SCEL: variants seen among roughly 807,000 people sequenced by gnomAD.
SCEL encodes sciellin.
In SCEL, 113 loss-of-function variants were observed where a neutral mutation model predicts 117.6. The ratio of observed to expected loss-of-function variants is 0.96; its 90% CI spans 0.83 to 1.12. The LOEUF is 1.12. SCEL is among the 50% of genes most tolerant of loss of function. The probability of loss-of-function intolerance (pLI) is 0.00; values close to 1 mark genes in which losing one functional copy is unlikely to be tolerated. For synonymous variants in SCEL, 270 were observed against 256.2 expected (o/e 1.05, Z -0.51); for missense variants, 785 against 810.8 (o/e 0.97, Z 0.39).
intron 27 of SCEL, among the ~76,000 whole-genome samples, chr13:77,624,260 C>T (rs1398999355): frequency 1.3e-5 from 2 of 151,998 alleles, no homozygotes; most frequent in South Asian, 2.1e-4. Flanking sequence ...CACCTGCCAC[C>T]ACGCTCAGCT....
chr13:77,555,576 T>C (rs1415328783), intron 1 of SCEL, among the ~76,000 whole-genome samples: 1 of 152,218 alleles, frequency 6.6e-6, no homozygotes, highest in African/African-American at 2.4e-5. Context: ...TAATTATTGA[T>C]TGAATAAATG....
chr13:77,558,946 G>A (rs533925099), intron 3 of SCEL, among the ~76,000 whole-genome samples: 2 of 152,132 alleles, frequency 1.3e-5, no homozygotes, highest in South Asian at 4.2e-4. Flanking sequence ...TTCTGCCTTG[G>A]CTCAAATCCA....
chr13:77,578,530 G>T (rs2086085193), intron 9 of SCEL, among the ~76,000 whole-genome samples: 1 of 152,112 alleles, frequency 6.6e-6, no homozygotes, highest in Admixed American at 6.5e-5. Context: ...CAACTGTGGG[G>T]GCATGAGAAG....
chr13:77,597,525 A>AT lies in SCEL; in HGVS notation c.753-13dup, dbSNP rs1463600459. Reference sequence around the variant, plus strand: ...GGCAAGCTTTTTACTAATGTTAAACATTTTTTTCTCTTCCCAAAGTGAAGA... The same window carrying AT: ...GGCAAGCTTTTTACTAATGTTAAACATTTTTTTTCTCTTCCCAAAGTGAAGA... On this transcript the variant is annotated intron_variant, in intron 12 of 32. Transcript: ENST00000349847. 12 of 1,449,484 alleles carry AT rather than the reference A, an allele frequency of 8.3e-6. No individual in the cohort carries two copies. The highest frequency in any genetic ancestry group is 1.3e-5 in the South Asian group (1 of 79,638). 89.8% of individuals were successfully genotyped at this position (1,449,484 alleles called of 1,614,324 possible). A position where few individuals can be genotyped will look rare whatever the true frequency, so the allele number is the denominator to read the frequency against.
chr13:77,630,731 G>T (rs1326273456), intron 28 of SCEL, among the ~76,000 whole-genome samples: 1 of 152,138 alleles, frequency 6.6e-6, no homozygotes, highest in East Asian at 1.9e-4. Context: ...AATCCATTTG[G>T]AATTCTATAA....
chr13:77,568,775 C>T lies in SCEL; in HGVS notation c.398+442C>T, dbSNP rs935254243. Reference sequence around the variant, plus strand: ...GCTAAAAATCTATTTAAATGGAACACATTTTCCCTGGAATGTACTACTGAT... The same window carrying T: ...GCTAAAAATCTATTTAAATGGAACATATTTTCCCTGGAATGTACTACTGAT... On this transcript the variant is annotated intron_variant, in intron 7 of 32. Coordinates refer to ENST00000349847, the MANE Select transcript of SCEL (RefSeq NM_144777.3). Among the ~76,000 whole-genome samples, 11 of 152,232 alleles carry T rather than the reference C, an allele frequency of 7.2e-5. No homozygotes were observed. The South Asian group carries it at 1.0e-3, about 14-fold the overall frequency.
At chr13:77,593,400 C>A in intron 11 of SCEL, 114 bp from the exon 12 acceptor site, 2 of 684,666 alleles carry the variant, frequency 2.9e-6, no homozygotes, top group East Asian at 3.0e-5. Context: ...CTCAGTAATT[C>A]CTGAACACCA....
At chr13:77,614,449 G>A (rs920196556) in intron 24 of SCEL, among the ~76,000 whole-genome samples, 1 of 152,100 alleles carries the variant, frequency 6.6e-6, no homozygotes, top group African/African-American at 2.4e-5. Context: ...GCTCAGCAAG[G>A]TTATGGACCT....
intron 1 of SCEL, among the ~76,000 whole-genome samples, chr13:77,551,676 TTTTGTTTG>T (rs569934911): frequency 1.3e-5 from 2 of 152,240 alleles, no homozygotes; most frequent in South Asian, 4.1e-4. Context: ...GGCCTCGTTT[TTTTGTTTG>T]TTTGTTTGTT....
chr13:77,640,926 T>C, intron 31 of SCEL, 142 bp downstream of exon 31: 1 of 484,110 alleles, frequency 2.1e-6, no homozygotes. Flanking sequence ...TACTTAAATA[T>C]TTCTGAGTTC....
intron 8 of SCEL, among the ~76,000 whole-genome samples, chr13:77,571,530 A>AATTAC (rs1235482193): frequency 6.6e-6 from 1 of 151,634 alleles, no homozygotes; most frequent in Non-Finnish European, 1.5e-5. Context: ...CTCTACTAAA[A>AATTAC]ATTACAAAAT....
chr13:77,632,498 TA>T (rs1332345202), intron 28 of SCEL, among the ~76,000 whole-genome samples: 2 of 152,236 alleles, frequency 1.3e-5, no homozygotes, highest in African/African-American at 4.8e-5. Flanking sequence ...AATAAAATTT[TA>T]GCTCACCTGT....
Position 77,569,418 on chromosome 13 carries a change from C to A in SCEL, c.446C>A (p.Ser149Tyr), listed in dbSNP as rs777730360. The change falls in exon 8 of 33, where the codon TCC becomes TAC. Residue 149 changes from serine to tyrosine, a missense_variant. Physicochemically the swap from Ser to Tyr is moderately radical, Grantham distance 144. Transcript: ENST00000349847. ...LNANTSNTIASTSATTPVKKK... is the reference protein window; with the variant it reads ...LNANTSNTIAYTSATTPVKKK... ...GCCAACACCTCCAACACCATAGCAT[C>A]CACTTCTGCTACTACTCCTGTAAAG... 1.2e-6 allele frequency: 2 copies of A among 1,613,890 alleles called. No homozygotes were observed. Among genetic ancestry groups the A allele is most frequent in the Non-Finnish European group, 1.7e-6 (2 of 1,179,788 alleles).
intron 12 of SCEL, among the ~76,000 whole-genome samples, chr13:77,595,235 T>G (rs1342286704): frequency 1.3e-5 from 2 of 152,170 alleles, no homozygotes; most frequent in Non-Finnish European, 2.9e-5. Flanking sequence ...GAGAAGTTGC[T>G]GCTTGACAGG....
In SCEL at chr13:77,613,924, G is replaced by A. The variant is rs770145833; in HGVS notation, c.1420G>A (p.Val474Ile). Reference protein sequence around the residue: ...SEQGLDEHINVSPKAVKNTDG... With the variant: ...SEQGLDEHINISPKAVKNTDG... Reference sequence around the variant, plus strand: ...ACAAGGTCTTGATGAACATATTAATGTCAGCCCCAAAGCTGTCAAAAACAC... The same window carrying A: ...ACAAGGTCTTGATGAACATATTAATATCAGCCCCAAAGCTGTCAAAAACAC... The change falls in exon 24 of 33, where the codon GTC becomes ATC. Residue 474 changes from valine (V) to isoleucine (I), a missense_variant. Physicochemically the swap from Val to Ile is conservative, Grantham distance 29. Coordinates refer to ENST00000349847, the MANE Select transcript of SCEL (RefSeq NM_144777.3). 2 of 1,613,374 alleles carry A rather than the reference G, an allele frequency of 1.2e-6. No homozygotes were observed. Among genetic ancestry groups the A allele is most frequent in the African/African-American group, 2.7e-5 (2 of 74,864 alleles).
At chr13:77,642,621 C>T (rs1423899741) in intron 31 of SCEL, 85 bp from the exon 32 acceptor site, 1 of 743,468 alleles carries the variant, frequency 1.3e-6, no homozygotes, top group Non-Finnish European at 2.1e-6. Context: ...AAAAGTGCCT[C>T]GATGGTAGAG....
chr13:77,577,246 T>C (rs990755719), intron 9 of SCEL, among the ~76,000 whole-genome samples: 6 of 152,164 alleles, frequency 3.9e-5, no homozygotes, highest in African/African-American at 1.2e-4. Context: ...AAGAAATACC[T>C]GACACTGGGT....
intron 22 of SCEL, among the ~76,000 whole-genome samples, chr13:77,611,006 G>A (rs1407189083): frequency 6.6e-6 from 1 of 152,104 alleles, no homozygotes; most frequent in South Asian, 2.1e-4. Flanking sequence ...AAGATACCAA[G>A]ATATATATCT....
Position 77,593,547 on chromosome 13 carries a change from C to T in SCEL, c.726C>T (p.Ala242=). 6.2e-7 allele frequency: 1 copy of T among 1,612,972 alleles called. No homozygotes were observed. The highest frequency in any genetic ancestry group is 8.5e-7 in the Non-Finnish European group (1 of 1,179,348). ...ATCTTGATAACATCGTCAAAGTGGC[C>T]ACTTCACTTCAGAGAAGTGACAAAG... The part of the protein sequence containing the change: ...SQDLDNIVKV[A]TSLQRSDKGE... Residue 242 remains alanine, a synonymous_variant, in exon 12 of 33, where the codon GCC becomes GCT. Transcript: ENST00000349847.
Sources: allele counts gnomAD v4.1 joint callset (sites outside exome capture counted in the v4.1 genomes callset), GRCh38; gene constraint gnomAD v4.1.1; transcripts MANE v1.5; gene names NCBI Gene and HGNC (gene_info 2026-07-23, HGNC 2026-07-21).